Variants in KAT2B observed in about 807,000 individuals in gnomAD.
KAT2B encodes lysine acetyltransferase 2B, also known as histone acetyltransferase KAT2B.
KAT2B carries 36 observed loss-of-function variants against 105.9 expected under a neutral mutation model. That is an observed-to-expected ratio of 0.34 (90% CI 0.26 to 0.45). The LOEUF is 0.45. Ranked by LOEUF, KAT2B falls within the 20% of genes least tolerant of loss-of-function variation. The pLI, the probability that KAT2B is intolerant of heterozygous loss-of-function variation, is 1.00. For synonymous variants in KAT2B, 397 were observed against 377.9 expected (o/e 1.05, Z -0.59); for missense variants, 820 against 1,021.6 (o/e 0.80, Z 2.69).
intron 1 of KAT2B, among the ~76,000 whole-genome samples, chr3:20,061,408 G>A (rs997420352): frequency 5.9e-5 from 9 of 151,984 alleles, no homozygotes; most frequent in South Asian, 2.1e-4. Flanking sequence ...GGACCTTCTT[G>A]CTGTTGTGCT....
At chr3:20,054,362 C>G (rs35815952) in intron 1 of KAT2B, among the ~76,000 whole-genome samples, 23,236 of 151,692 alleles carry the variant, frequency 0.15, 2,223 homozygotes, top group South Asian at 0.42. Context: ...TTCCTGACCT[C>G]GTGATCCACC....
rs1285694130 is a variant in KAT2B at position 20,154,184 on chromosome 3, G to A, written c.*1659G>A. ...TTTTCTGAGTAGACATTCTTATAGA[G>A]TATTGTCTTTAAAATCAGATTGTCT... is the stretch of plus-strand genomic sequence containing the variant. On this transcript the variant is annotated 3_prime_UTR_variant, in exon 18 of 18. Coordinates refer to ENST00000263754, the MANE Select transcript of KAT2B (RefSeq NM_003884.5). 3.9e-5 allele frequency: 6 copies of A among 152,540 alleles called. No homozygotes were observed. The highest frequency in any genetic ancestry group is 4.8e-5 in the African/African-American group (2 of 41,438). The allele number at this position is 152,540 out of a possible 1,614,324, so 9.4% of individuals were successfully genotyped here. A position where few individuals can be genotyped will look rare whatever the true frequency, so the allele number is the denominator to read the frequency against.
At chr3:20,062,200 T>TATAAAA (rs1491542109) in intron 1 of KAT2B, among the ~76,000 whole-genome samples, 1,523 of 48,588 alleles carry the variant, frequency 0.031, 129 homozygotes, top group East Asian at 0.21. Context: ...AATATATATA[T>TATAAAA]TTTATATAAA....
At chr3:20,143,924 G>A (rs1183731760) in intron 13 of KAT2B, among the ~76,000 whole-genome samples, 3 of 152,154 alleles carry the variant, frequency 2.0e-5, no homozygotes, top group Non-Finnish European at 4.4e-5. Context: ...AAAACTACCT[G>A]TCAGGTACTG....
At chr3:20,044,753 A>G (rs1017713803) in intron 1 of KAT2B, among the ~76,000 whole-genome samples, 8 of 152,118 alleles carry the variant, frequency 5.3e-5, no homozygotes, top group African/African-American at 1.9e-4. Flanking sequence ...ATCCAAATTC[A>G]TCTGTACTCT....
At chr3:20,064,146 C>T (rs1698186182) in intron 1 of KAT2B, among the ~76,000 whole-genome samples, 1 of 152,138 alleles carries the variant, frequency 6.6e-6, no homozygotes, top group African/African-American at 2.4e-5. Context: ...TATGAGGATT[C>T]CAATTTTTCA....
At chr3:20,088,627 T>C (rs889914878) in intron 2 of KAT2B, among the ~76,000 whole-genome samples, 14 of 152,348 alleles carry the variant, frequency 9.2e-5, no homozygotes, top group Non-Finnish European at 8.8e-5. Flanking sequence ...ATAAGTTCCT[T>C]ATATATTTTG....
At chr3:20,144,115 C>T (rs967091788) in intron 13 of KAT2B, among the ~76,000 whole-genome samples, 4 of 152,206 alleles carry the variant, frequency 2.6e-5, no homozygotes, top group South Asian at 4.1e-4. Flanking sequence ...AGTCACTTCT[C>T]AGGAGCCCAC....
intron 1 of KAT2B, among the ~76,000 whole-genome samples, chr3:20,057,881 T>C (rs1288490456): frequency 6.6e-6 from 1 of 152,120 alleles, no homozygotes; most frequent in Non-Finnish European, 1.5e-5. Flanking sequence ...AATTATAATA[T>C]TTAGCAAAGG....
At chr3:20,144,068 G>A (rs1699739658) in intron 13 of KAT2B, among the ~76,000 whole-genome samples, 1 of 152,026 alleles carries the variant, frequency 6.6e-6, no homozygotes, top group Non-Finnish European at 1.5e-5. Flanking sequence ...ATTACTAGAG[G>A]TACAGAGAGC....
chr3:20,151,442 G>GT (rs1559335398), intron 17 of KAT2B, among the ~76,000 whole-genome samples: 9 of 150,824 alleles, frequency 6.0e-5, no homozygotes, highest in South Asian at 2.2e-4. Flanking sequence ...TCAGAAGTGG[G>GT]GTTTTTTTTT....
rs60656536 is a variant in KAT2B, at chr3:20,106,961, G to GTA, written c.852-4619_852-4618dup. Among the ~76,000 whole-genome samples, 522 of 69,938 alleles carry GTA rather than the reference G, an allele frequency of 7.5e-3. 6 individuals carry two copies. The highest frequency in any genetic ancestry group is 0.026 in the Middle Eastern group (2 of 78). The allele number at this position is 69,938 out of a possible 152,430, so 45.9% of individuals were successfully genotyped here. ...TAAGAAATTATTCTGAATTTTATGTGTATATATATATATATATGTATATAT... is the reference window on the plus strand; with the variant it reads ...TAAGAAATTATTCTGAATTTTATGTGTATATATATATATATATATGTATATAT... On this transcript the variant is annotated intron_variant, in intron 5 of 17. Transcript: ENST00000263754.
rs1488382142 is a variant in KAT2B, at chr3:20,119,674, G to A, written c.1227G>A (p.Gly409=). The A allele has an allele frequency of 1.2e-6, 2 of 1,613,932 alleles. No individual in the cohort carries two copies. Among genetic ancestry groups the A allele is most frequent in the Admixed American group, 1.7e-5 (1 of 59,980 alleles). The change falls in exon 8 of 18, where the codon GGG becomes GGA. Residue 409 remains glycine, a synonymous_variant. Coordinates refer to ENST00000263754, the MANE Select transcript of KAT2B (RefSeq NM_003884.5). ...CTTCCCTTGAGCAGCCAAACGCAGGGAGCAGCAGTCCTGCCTGCAAAGCCT... is the reference window on the plus strand; with the variant it reads ...CTTCCCTTGAGCAGCCAAACGCAGGAAGCAGCAGTCCTGCCTGCAAAGCCT... ...TSSSLEQPNA[G]SSSPACKASS...
chr3:20,122,262 G>T (rs1163271792), intron 8 of KAT2B, among the ~76,000 whole-genome samples: 7 of 152,106 alleles, frequency 4.6e-5, no homozygotes, highest in African/African-American at 7.2e-5. Flanking sequence ...CAAAAGATTG[G>T]TCTTATTTTA....
chr3:20,126,385 T>C (rs562838951), intron 10 of KAT2B, among the ~76,000 whole-genome samples: 2 of 152,300 alleles, frequency 1.3e-5, no homozygotes, highest in East Asian at 3.9e-4. Flanking sequence ...AGTGAGAGAA[T>C]GTAACACTAA....
Position 20,101,434 on chromosome 3 carries a change from G to GAT in KAT2B, c.818_819dup (p.Asp274MetfsTer47), listed in dbSNP as rs779963362. ...TCAACGAAGACTGCGATCTCCCAATGATGATATTTCTGGATACAAAGAGAA... is the reference window on the plus strand; with the variant it reads ...TCAACGAAGACTGCGATCTCCCAATGATATGATATTTCTGGATACAAAGAGAA... On this transcript the variant is annotated frameshift_variant, in exon 5 of 18. Transcript: ENST00000263754. LOFTEE classifies it high-confidence loss of function. 6.2e-7 allele frequency: 1 copy of GAT among 1,614,010 alleles called. No individual in the cohort carries two copies. The highest frequency in any genetic ancestry group is 1.7e-5 in the Admixed American group (1 of 60,016).
chr3:20,057,616 TG>T (rs1366858889), intron 1 of KAT2B, among the ~76,000 whole-genome samples: 2 of 152,156 alleles, frequency 1.3e-5, no homozygotes, highest in African/African-American at 4.8e-5. Flanking sequence ...ATAAATTCTG[TG>T]TGTGTGTATT....
chr3:20,079,110 ACGCTGGTCTCAAACTCCT>A (rs1698473466), intron 2 of KAT2B, among the ~76,000 whole-genome samples: 2 of 150,464 alleles, frequency 1.3e-5, no homozygotes, highest in Admixed American at 6.6e-5. Flanking sequence ...CAAGTTAGCC[ACGCTGGTCTCAAACTCCT>A]GATCTCAGGT....
At chr3:20,051,199 C>CAAAAA (rs61279125) in intron 1 of KAT2B, among the ~76,000 whole-genome samples, 38 of 113,504 alleles carry the variant, frequency 3.3e-4, no homozygotes, top group African/African-American at 1.1e-3. Context: ...TACTCTGTCT[C>CAAAAA]AAAAAAAAAA....
Sources: gnomAD v4.1 joint callset for allele counts (sites outside exome capture counted in the v4.1 genomes callset) on GRCh38, gnomAD v4.1.1 for gene constraint, MANE v1.5 for transcripts, NCBI Gene and HGNC (gene_info 2026-07-23, HGNC 2026-07-21) for gene names.